The following CADPS variants were observed in gnomAD, a reference collection of about 807,000 sequenced individuals.
CADPS encodes calcium-dependent secretion activator 1.
A neutral mutation model predicts 167.3 loss-of-function variants in CADPS; 57 were observed. The observed-to-expected ratio is 0.34, with a 90% CI of 0.28 to 0.42. The LOEUF is 0.42. CADPS is among the 20% of genes least tolerant of loss of function. The pLI is 1.00. For synonymous variants in CADPS, 676 were observed against 635.3 expected (o/e 1.06, Z -0.96); for missense variants, 1,414 against 1,738.1 (o/e 0.81, Z 3.32).
intron 3 of CADPS, among the ~76,000 whole-genome samples, chr3:62,693,758 C>T (rs2151358513): frequency 6.7e-6 from 1 of 148,218 alleles, no homozygotes; most frequent in African/African-American, 2.5e-5. Flanking sequence ...GCACTACAGC[C>T]TGGGTGACAG....
chr3:62,576,843 A>G lies in CADPS; in HGVS notation c.1578-5905T>C, dbSNP rs2082384704. ...GCAGTCCTAGTAGAAAGAGTAAATAATTTTGGGTGCACATCTGTTGGGAAG... is the reference window on the plus strand; with the variant it reads ...GCAGTCCTAGTAGAAAGAGTAAATAGTTTTGGGTGCACATCTGTTGGGAAG... On this transcript the variant is annotated intron_variant, in intron 8 of 29. Transcript: ENST00000383710. 2.7e-5 allele frequency among the ~76,000 whole-genome samples: 4 copies of G among 150,066 alleles called. No individual in the cohort carries two copies. In the South Asian group the frequency reaches 8.5e-4, roughly 32 times the overall value.
intron 3 of CADPS, among the ~76,000 whole-genome samples, chr3:62,714,142 T>C (rs6781408): frequency 0.56 from 85,662 of 151,652 alleles, 24,447 homozygotes; most frequent in East Asian, 0.74. Flanking sequence ...ATGCAGGTAA[T>C]GTAAACAAGG....
At chr3:62,407,554 C>T (rs1389237394) in intron 28 of CADPS, among the ~76,000 whole-genome samples, 1 of 152,182 alleles carries the variant, frequency 6.6e-6, no homozygotes, top group Non-Finnish European at 1.5e-5. Flanking sequence ...ACTTAATTCT[C>T]TGATCCTCAG....
At chr3:62,631,135 A>C (rs1304207549) in intron 6 of CADPS, among the ~76,000 whole-genome samples, 2 of 148,640 alleles carry the variant, frequency 1.3e-5, no homozygotes, top group Non-Finnish European at 3.0e-5. Context: ...CACACACACA[A>C]ATATACACAC....
At position 62,544,428 on chromosome 3, in the gene CADPS, C is replaced by T. The variant is rs200571543; in HGVS notation, c.1966+5475G>A. On this transcript the variant is annotated intron_variant, in intron 11 of 29. Coordinates refer to ENST00000383710, the MANE Select transcript of CADPS (RefSeq NM_003716.4). This position sits in a 1 kb window ranked among gnomAD's most constrained non-coding sequence, Gnocchi z 4.4. ...AATCTTTGGAATGGGAAAGGAAAAA[C>T]AACAACAACAACAACAACAACAGCA... Among the ~76,000 whole-genome samples the T allele has an allele frequency of 6.6e-6, 1 of 151,716 alleles. No individual in the cohort carries two copies.
rs1490900778 is a variant in CADPS at position 62,645,760 on chromosome 3, C to G, written c.1287G>C (p.Glu429Asp). 1 of 1,613,998 alleles carries G rather than the reference C, an allele frequency of 6.2e-7. No individual in the cohort carries two copies. Among genetic ancestry groups the G allele is most frequent in the African/African-American group, 1.3e-5 (1 of 74,916 alleles). Residue 429 changes from glutamate to aspartate, a missense_variant, in exon 6 of 30, where the codon GAG (glutamate) becomes GAC (aspartate). This residue lies in a region of CADPS where 157 missense variants were observed against 229.4 expected (regional missense o/e 0.68). Transcript: ENST00000383710. ...CCTCGGCCTGATCAGTCTGTAGTTT[C>G]TCTCCTCCTTCCACCTCCATTGTGC... ...VYCTMEVEGG[E>D]KLQTDQAEAS...
chr3:62,792,759 C>T (rs1009837149), intron 1 of CADPS, among the ~76,000 whole-genome samples: 1 of 151,778 alleles, frequency 6.6e-6, no homozygotes, highest in African/African-American at 2.4e-5. Context: ...TCATGCTTGG[C>T]AATTTGTTTT....
chr3:62,542,677 C>T (rs954389127), intron 11 of CADPS, among the ~76,000 whole-genome samples: 1 of 152,202 alleles, frequency 6.6e-6, no homozygotes, highest in Non-Finnish European at 1.5e-5. Flanking sequence ...AAGAGGATGG[C>T]TTCTTTGGAA....
At position 62,492,272 on chromosome 3, in the gene CADPS, G is replaced by C. The variant is rs2063878708; in HGVS notation, c.2884+18C>G. ...GCACACTACTTAGGAAAGTCAAACAGTCAAAGGTAATACATACAGTCAGTA... is the reference window on the plus strand; with the variant it reads ...GCACACTACTTAGGAAAGTCAAACACTCAAAGGTAATACATACAGTCAGTA... On this transcript the variant is annotated intron_variant, in intron 20 of 29. Coordinates refer to ENST00000383710, the MANE Select transcript of CADPS (RefSeq NM_003716.4). The C allele has an allele frequency of 6.2e-7, 1 of 1,611,468 alleles. No homozygotes were observed. The highest frequency in any genetic ancestry group is 1.7e-5 in the Admixed American group (1 of 59,958).
chr3:62,487,945 C>G (rs2063082665), intron 21 of CADPS, among the ~76,000 whole-genome samples: 1 of 152,158 alleles, frequency 6.6e-6, no homozygotes, highest in Non-Finnish European at 1.5e-5. Flanking sequence ...TTATTTTGAA[C>G]ATTACATTGC....
intron 3 of CADPS, among the ~76,000 whole-genome samples, chr3:62,689,146 C>T (rs1447916084): frequency 2.0e-5 from 3 of 151,904 alleles, no homozygotes; most frequent in Admixed American, 1.3e-4. Flanking sequence ...TAAGGAATGG[C>T]TGACATTTGA....
chr3:62,557,380 C>G, intron 10 of CADPS, 25 bp downstream of exon 10: 1 of 1,519,470 alleles, frequency 6.6e-7, no homozygotes, highest in Non-Finnish European at 9.1e-7. Flanking sequence ...TTTGTGGGCT[C>G]GTGGCCTTGA....
chr3:62,698,480 C>A lies in CADPS; in HGVS notation c.889-36086G>T, dbSNP rs1408732185. Among the ~76,000 whole-genome samples the A allele has an allele frequency of 2.0e-5, 3 of 152,048 alleles. No individual in the cohort carries two copies. The East Asian group carries it at 5.8e-4, about 29-fold the overall frequency. On this transcript the variant is annotated intron_variant, in intron 3 of 29. Transcript: ENST00000383710. ...CTTAGTTTCTGTCTGCAAATACCTG[C>A]TCAGGTGCATCTTTCTGGTAAACAT...
chr3:62,538,886 G>A (rs2075222706), intron 11 of CADPS, among the ~76,000 whole-genome samples: 1 of 152,088 alleles, frequency 6.6e-6, no homozygotes, highest in Admixed American at 6.6e-5. Context: ...ATGGAGACCT[G>A]GATTCAGACC....
At chr3:62,861,353 A>T (rs2080769273) in intron 1 of CADPS, among the ~76,000 whole-genome samples, 1 of 152,226 alleles carries the variant, frequency 6.6e-6, no homozygotes, top group Non-Finnish European at 1.5e-5. Context: ...ATTTGTAAAA[A>T]AAAATGAACA....
chr3:62,518,686 A>G (rs2069618176), intron 13 of CADPS, among the ~76,000 whole-genome samples: 1 of 152,162 alleles, frequency 6.6e-6, no homozygotes. Flanking sequence ...CTTACCTGGG[A>G]CAGGCACTCA....
chr3:62,803,427 A>G (rs1352351630), intron 1 of CADPS, among the ~76,000 whole-genome samples: 1 of 146,002 alleles, frequency 6.8e-6, no homozygotes, highest in Non-Finnish European at 1.5e-5. Context: ...GTCTGGACAT[A>G]TTTTTTAGCT....
At chr3:62,718,617 T>C (rs1381421547) in intron 3 of CADPS, among the ~76,000 whole-genome samples, 2 of 152,150 alleles carry the variant, frequency 1.3e-5, no homozygotes, top group African/African-American at 4.8e-5. Flanking sequence ...GAGACTGGGG[T>C]GGGCTCAGTA....
intron 6 of CADPS, among the ~76,000 whole-genome samples, chr3:62,630,942 T>C (rs13072261): frequency 0.014 from 2,134 of 152,294 alleles, 24 homozygotes; most frequent in Middle Eastern, 0.024. Flanking sequence ...CTCAAGGTTA[T>C]GTAGGTTTCT....
Sources: allele counts gnomAD v4.1 joint callset (sites outside exome capture counted in the v4.1 genomes callset), GRCh38; gene constraint gnomAD v4.1.1; regional missense constraint gnomAD v4.1.1; non-coding constraint Gnocchi (gnomAD v3.1); transcripts MANE v1.5; gene names NCBI Gene and HGNC (gene_info 2026-07-23, HGNC 2026-07-21).